PTPRN2: variants seen among roughly 807,000 people sequenced by gnomAD.
PTPRN2 encodes the protein receptor-type tyrosine-protein phosphatase N2.
A neutral mutation model predicts 118.8 loss-of-function variants in PTPRN2; 74 were observed. The ratio of observed to expected loss-of-function variants is 0.62; its 90% confidence interval spans 0.52 to 0.76. PTPRN2 has a LOEUF of 0.76. Among genes scored for constraint, PTPRN2 ranks in the 30% least tolerant of loss-of-function variants. The probability of loss-of-function intolerance (pLI) is 0.00; values close to 1 mark genes in which losing one functional copy is unlikely to be tolerated. For synonymous variants in PTPRN2, 641 were observed against 608.0 expected (o/e 1.05, Z -0.80); for missense variants, 1,481 against 1,394.4 (o/e 1.06, Z -0.99).
Position 157,614,172 on chromosome 7 carries a change from C to T in PTPRN2, c.2344+7190G>A, listed in dbSNP as rs542307268. ...GAGGAAGGGGGAGGACAGGGGAGGGCCAGGGTGGAGCTCAGGGCCAAGGCA... is the reference window on the plus strand; with the variant it reads ...GAGGAAGGGGGAGGACAGGGGAGGGTCAGGGTGGAGCTCAGGGCCAAGGCA... On this transcript the variant is annotated intron_variant, in intron 15 of 22. Coordinates refer to ENST00000389418, the MANE Select transcript of PTPRN2 (RefSeq NM_002847.5). The T allele has an allele frequency of 1.0e-4, 46 of 461,192 alleles. No homozygotes were observed. The East Asian group carries it at 2.4e-3, about 24-fold the overall frequency. 28.6% of individuals were successfully genotyped at this position (461,192 alleles called of 1,614,324 possible). A position where few individuals can be genotyped will look rare whatever the true frequency, so the allele number is the denominator to read the frequency against.
At chr7:157,710,227 G>C in intron 12 of PTPRN2, among the ~76,000 whole-genome samples, 1 of 152,176 alleles carries the variant, frequency 6.6e-6, no homozygotes, top group Non-Finnish European at 1.5e-5. Flanking sequence ...CTTGGACGAG[G>C]CTTTCTGGAA....
chr7:157,790,069 GGT>G lies in PTPRN2; in HGVS notation c.1789-107134_1789-107133del, dbSNP rs570671524. Among the ~76,000 whole-genome samples the G allele has an allele frequency of 3.5e-3, 438 of 126,696 alleles. 1 individual carries two copies. The highest frequency in any genetic ancestry group is 6.1e-3 in the African/African-American group (200 of 32,610). 83.1% of individuals were successfully genotyped at this position (126,696 alleles called of 152,430 possible). ...TGGTGTTTGTGTGGTGTGAATGTGT[GGT>G]GTGTGTGTGTGGTGTGTGTGGTGGT... On this transcript the variant is annotated intron_variant, in intron 12 of 22. Transcript: ENST00000389418.
At chr7:157,752,283 A>G (rs1462576550) in intron 12 of PTPRN2, among the ~76,000 whole-genome samples, 1 of 152,138 alleles carries the variant, frequency 6.6e-6, no homozygotes, top group Non-Finnish European at 1.5e-5. Flanking sequence ...CCTCAACAAC[A>G]TGGTGACTTG....
intron 12 of PTPRN2, among the ~76,000 whole-genome samples, chr7:157,737,639 G>A (rs971291048): frequency 8.5e-5 from 13 of 152,264 alleles, no homozygotes; most frequent in Admixed American, 7.2e-4. Flanking sequence ...GAGCTCCAGA[G>A]TGTTCCCCTA....
chr7:158,579,261 G>T (rs183625116), intron 1 of PTPRN2, among the ~76,000 whole-genome samples: 1 of 152,184 alleles, frequency 6.6e-6, no homozygotes. Context: ...CAATGCTTTT[G>T]CAATAATCTC....
intron 12 of PTPRN2, among the ~76,000 whole-genome samples, chr7:157,799,866 TCCATCCCTCAGAGG>T (rs1805130739): frequency 1.1e-4 from 7 of 65,944 alleles, no homozygotes; most frequent in African/African-American, 3.3e-4. Flanking sequence ...GCCGGCCCCC[TCCATCCCTCAGAGG>T]CACCACAGCC....
intron 2 of PTPRN2, among the ~76,000 whole-genome samples, chr7:158,387,627 T>G (rs1478279277): frequency 1.1e-3 from 1 of 924 alleles, no homozygotes; most frequent in Non-Finnish European, 3.6e-3. Flanking sequence ...AGAGCTGCTG[T>G]GAGGCCCTGG....
chr7:158,149,374 A>T lies in PTPRN2; in HGVS notation c.911-10859T>A, dbSNP rs190552780. 6.0e-4 allele frequency among the ~76,000 whole-genome samples: 92 copies of T among 152,252 alleles called. 1 individual carries two copies. Among genetic ancestry groups the T allele is most frequent in the African/African-American group, 2.0e-3 (84 of 41,550 alleles). Reference sequence around the variant, plus strand: ...CTACATTGACATAAACTTAAATCTAACCAGTGTCTTTTCAGTATAAACTCT... The same window carrying T: ...CTACATTGACATAAACTTAAATCTATCCAGTGTCTTTTCAGTATAAACTCT... On this transcript the variant is annotated intron_variant, in intron 6 of 22. Transcript: ENST00000389418.
At chr7:158,404,606 G>T (rs1003727710) in intron 2 of PTPRN2, among the ~76,000 whole-genome samples, 3 of 152,072 alleles carry the variant, frequency 2.0e-5, no homozygotes, top group African/African-American at 7.3e-5. Context: ...CGGGAGTCCT[G>T]TGCCAGAAAC....
At chr7:157,892,249 G>T (rs1363051085) in intron 12 of PTPRN2, among the ~76,000 whole-genome samples, 1 of 152,212 alleles carries the variant, frequency 6.6e-6, no homozygotes. Context: ...GGACACAACT[G>T]AGAAGGTTGG....
In PTPRN2 at chr7:157,590,772, C is replaced by T. The variant is rs1800943762; in HGVS notation, c.2496+4466G>A. Among the ~76,000 whole-genome samples, 1 of 152,164 alleles carries T rather than the reference C, an allele frequency of 6.6e-6. No individual in the cohort carries two copies. Among genetic ancestry groups the T allele is most frequent in the African/African-American group, 2.4e-5 (1 of 41,436 alleles). On this transcript the variant is annotated intron_variant, in intron 17 of 22. Coordinates refer to ENST00000389418, the MANE Select transcript of PTPRN2 (RefSeq NM_002847.5). This position sits in a 1 kb window ranked among gnomAD's most constrained non-coding sequence, Gnocchi z 4.0. ...CTGAACCCGTCTTCCAGGCTCCCCC[C>T]TTCTGGACCCATGGGCCCCTGTACA...
intron 6 of PTPRN2, among the ~76,000 whole-genome samples, chr7:158,151,514 T>TGCCTCTCCCAGC (rs1563522262): frequency 6.8e-6 from 1 of 146,076 alleles, no homozygotes; most frequent in African/African-American, 2.5e-5. Context: ...TTTCTGCTCC[T>TGCCTCTCCCAGC]CACCGCACGT....
chr7:157,970,595 G>A (rs1270262372), intron 11 of PTPRN2, among the ~76,000 whole-genome samples: 2 of 149,626 alleles, frequency 1.3e-5, no homozygotes, highest in Admixed American at 1.3e-4. Flanking sequence ...TCCTCTCACT[G>A]TAACTGGCAG....
chr7:158,326,246 C>T (rs1269078426), intron 2 of PTPRN2, among the ~76,000 whole-genome samples: 2 of 152,216 alleles, frequency 1.3e-5, no homozygotes, highest in Non-Finnish European at 2.9e-5. Flanking sequence ...CTGCGGTCAC[C>T]CAGGTGGCCA....
At chr7:157,961,771 T>G (rs1300918564) in intron 11 of PTPRN2, among the ~76,000 whole-genome samples, 2 of 152,242 alleles carry the variant, frequency 1.3e-5, no homozygotes, top group Non-Finnish European at 2.9e-5. Flanking sequence ...AATTCGGCAC[T>G]CATATTCTAA....
intron 11 of PTPRN2, among the ~76,000 whole-genome samples, chr7:157,923,404 A>G (rs1265002345): frequency 6.6e-6 from 1 of 152,082 alleles, no homozygotes; most frequent in Non-Finnish European, 1.5e-5. Flanking sequence ...GCCTCGGGAA[A>G]CGCCACCTGC....
At chr7:158,473,635 C>T (rs1370299530) in intron 2 of PTPRN2, among the ~76,000 whole-genome samples, 1 of 152,206 alleles carries the variant, frequency 6.6e-6, no homozygotes, top group South Asian at 2.1e-4. Context: ...ACACATTCCC[C>T]AAACATGGTG....
At chr7:158,244,128 G>T (rs1796051200) in intron 3 of PTPRN2, among the ~76,000 whole-genome samples, 1 of 152,194 alleles carries the variant, frequency 6.6e-6, no homozygotes, top group Non-Finnish European at 1.5e-5. Context: ...CAGTCCCTGG[G>T]AAGAGAACAA....
rs564784973 is a variant in PTPRN2 at position 158,577,600 on chromosome 7, G to C, written c.112+9958C>G. 5.2e-5 allele frequency among the ~76,000 whole-genome samples: 8 copies of C among 152,394 alleles called. No individual in the cohort carries two copies. In the East Asian group the frequency reaches 1.3e-3, roughly 26 times the overall value. The stretch of plus-strand genomic sequence containing the variant: ...GACAGCATGGGGCCTGCACAACACT[G>C]TGGGCTCCTAAGAAAGCCCAAACAG... On this transcript the variant is annotated intron_variant, in intron 1 of 22. Coordinates refer to ENST00000389418, the MANE Select transcript of PTPRN2 (RefSeq NM_002847.5).
Sources: allele counts gnomAD v4.1 joint callset (sites outside exome capture counted in the v4.1 genomes callset), GRCh38; gene constraint gnomAD v4.1.1; non-coding constraint Gnocchi (gnomAD v3.1); transcripts MANE v1.5; gene names NCBI Gene and HGNC (gene_info 2026-07-23, HGNC 2026-07-21).